Variants in PCDHGA4 observed in about 807,000 individuals in gnomAD.
The protein encoded by PCDHGA4 is protocadherin gamma-A4.
A neutral mutation model predicts 54.6 loss-of-function variants in PCDHGA4; 38 were observed. The ratio of observed to expected loss-of-function variants is 0.70; its 90% CI spans 0.54 to 0.91. The LOEUF (loss-of-function observed/expected upper bound fraction) is 0.91. Among genes scored for constraint, PCDHGA4 ranks in the 40% least tolerant of loss-of-function variants. The probability of loss-of-function intolerance (pLI) is 0.00; values close to 1 mark genes in which losing one functional copy is unlikely to be tolerated. For synonymous variants in PCDHGA4, 511 were observed against 512.9 expected (o/e 1.00, Z 0.05); for missense variants, 1,298 against 1,220.9 (o/e 1.06, Z -0.94).
intron 1 of PCDHGA4, chr5:141,414,081 T>G: frequency 6.2e-7 from 1 of 1,601,774 alleles, no homozygotes; most frequent in Non-Finnish European, 8.5e-7. Context: ...ACAAATATAC[T>G]GGAGAAATAA....
intron 1 of PCDHGA4, among the ~76,000 whole-genome samples, chr5:141,406,273 G>C (rs1366399912): frequency 6.6e-6 from 1 of 151,898 alleles, no homozygotes; most frequent in Non-Finnish European, 1.5e-5. Context: ...TCCTGCTTCA[G>C]TTTCCCAAAG....
At chr5:141,427,897 C>T (rs866283444) in intron 1 of PCDHGA4, 1 of 1,571,008 alleles carries the variant, frequency 6.4e-7, no homozygotes. Context: ...CAGGGCTCGC[C>T]CGCGCTCAGC....
chr5:141,357,800 T>A, intron 1 of PCDHGA4, 179 bp downstream of exon 1: 1 of 795,686 alleles, frequency 1.3e-6, no homozygotes, highest in East Asian at 2.7e-5. Flanking sequence ...CACACAAAAA[T>A]GTTGTTTATT....
chr5:141,420,225 C>G, intron 1 of PCDHGA4: 1 of 1,603,470 alleles, frequency 6.2e-7, no homozygotes. Flanking sequence ...ATGCTACTGG[C>G]TAGCATTTTA....
At chr5:141,389,751 G>A (rs755499740) in intron 1 of PCDHGA4, 1 of 1,612,800 alleles carries the variant, frequency 6.2e-7, no homozygotes, top group Non-Finnish European at 8.5e-7. Flanking sequence ...GCGCACGGGC[G>A]AAGTGCGCAC....
intron 1 of PCDHGA4, chr5:141,393,343 A>G (rs751102208): frequency 8.1e-6 from 13 of 1,613,914 alleles, no homozygotes; most frequent in Non-Finnish European, 1.1e-5. Context: ...CCCAATCACC[A>G]CTTCTCCCTG....
Position 141,357,456 on chromosome 5 carries a change from C to A in PCDHGA4, c.2349C>A (p.Thr783=), listed in dbSNP as rs767627723. The A allele has an allele frequency of 6.2e-7, 1 of 1,614,086 alleles. No individual in the cohort carries two copies. The highest frequency in any genetic ancestry group is 1.3e-5 in the African/African-American group (1 of 74,936). The change falls in exon 1 of 4, where the codon ACC becomes ACA. Residue 783 remains threonine (T), a synonymous_variant. Coordinates refer to ENST00000571252, the MANE Select transcript of PCDHGA4 (RefSeq NM_018917.4). ...GVDGVRAFLQ[T]YSHEVSLTAD... is the part of the protein sequence containing the mutation. ...ACGGGGTTCGGGCTTTCCTGCAGAC[C>A]TATTCCCACGAGGTCTCCCTCACCG...
intron 1 of PCDHGA4, among the ~76,000 whole-genome samples, chr5:141,473,366 A>T (rs1292258135): frequency 1.3e-5 from 2 of 152,202 alleles, no homozygotes; most frequent in Non-Finnish European, 2.9e-5. Context: ...GGCCACCAAA[A>T]TAGCATGGTC....
At chr5:141,413,748 T>G (rs1264580781) in intron 1 of PCDHGA4, 1 of 1,613,288 alleles carries the variant, frequency 6.2e-7, no homozygotes, top group Admixed American at 1.7e-5. Flanking sequence ...GCCGTGCCAA[T>G]GGCGTCAAGT....
chr5:141,382,890 C>A, intron 1 of PCDHGA4: 2 of 1,532,810 alleles, frequency 1.3e-6, no homozygotes, highest in Non-Finnish European at 1.8e-6. Flanking sequence ...GCAAGAGAAG[C>A]AGGACGACTA....
chr5:141,392,548 T>C (rs1252345592), intron 1 of PCDHGA4: 1 of 344,860 alleles, frequency 2.9e-6, no homozygotes, highest in African/African-American at 2.1e-5. Context: ...AAGTAATCTG[T>C]ATCTCAGTGC....
intron 1 of PCDHGA4, chr5:141,415,740 GTTTTTTTTTTTTTTTTTTTTT>G: frequency 1.6e-6 from 1 of 617,990 alleles, no homozygotes; most frequent in Non-Finnish European, 2.1e-6. Context: ...GTTTATTAAG[GTTTTTTTTTTTTTTTTTTTTT>G]TTTTTTTTTT....
intron 1 of PCDHGA4, among the ~76,000 whole-genome samples, chr5:141,447,542 T>G (rs980012061): frequency 1.3e-5 from 2 of 152,216 alleles, no homozygotes; most frequent in African/African-American, 4.8e-5. Context: ...TGGGTTTTAA[T>G]GTTATGAGTA....
Position 141,489,427 on chromosome 5 carries a change from C to A in PCDHGA4, c.2515-5380C>A. ...AAAGATGACAGATCTGTTGAGCCGG[C>A]GGCTGCAATTGGGCTCTGAGGAGAA... On this transcript the variant is annotated intron_variant, in intron 1 of 3. Coordinates refer to ENST00000571252, the MANE Select transcript of PCDHGA4 (RefSeq NM_018917.4). This position sits in a 1 kb window ranked among gnomAD's most constrained non-coding sequence, Gnocchi z 4.5. The A allele has an allele frequency of 6.2e-7, 1 of 1,614,108 alleles. No individual in the cohort carries two copies. The highest frequency in any genetic ancestry group is 1.1e-5 in the South Asian group (1 of 91,086).
chr5:141,400,645 G>T, intron 1 of PCDHGA4: 1 of 1,239,756 alleles, frequency 8.1e-7, no homozygotes, highest in Non-Finnish European at 1.2e-6. Context: ...TGCTCAGAAA[G>T]CTGTCCTACC....
At position 141,476,602 on chromosome 5, in the gene PCDHGA4, C is replaced by T; in HGVS notation, c.2515-18205C>T. 6.2e-7 allele frequency: 1 copy of T among 1,614,208 alleles called. No homozygotes were observed. Among genetic ancestry groups the T allele is most frequent in the Middle Eastern group, 1.6e-4 (1 of 6,062 alleles). Reference sequence around the variant, plus strand: ...TTCCGCTCGAGAGCGCGCACGATCCCGATGTGGGAAGCAACTCTTTACAAA... The same window carrying T: ...TTCCGCTCGAGAGCGCGCACGATCCTGATGTGGGAAGCAACTCTTTACAAA... On this transcript the variant is annotated intron_variant, in intron 1 of 3. Coordinates refer to ENST00000571252, the MANE Select transcript of PCDHGA4 (RefSeq NM_018917.4). The surrounding 1 kb of genome is among the most constrained non-coding windows in gnomAD (Gnocchi z 7.6).
chr5:141,380,433 A>G (rs1228885429), intron 1 of PCDHGA4, among the ~76,000 whole-genome samples: 1 of 152,256 alleles, frequency 6.6e-6, no homozygotes, highest in Non-Finnish European at 1.5e-5. Context: ...TAGACTTTAC[A>G]TAGAATTCTT....
intron 1 of PCDHGA4, chr5:141,427,308 G>A (rs2097014480): frequency 2.2e-6 from 1 of 456,846 alleles, no homozygotes; most frequent in Non-Finnish European, 4.4e-6. Flanking sequence ...GAATGACAAT[G>A]CCCCAGACGT....
In PCDHGA4 at chr5:141,431,279, C is replaced by G. The variant is rs1163372308; in HGVS notation, c.2515-63528C>G. Reference sequence around the variant, plus strand: ...CTCTCTGCAGAGCTACGAGCTCAGCCCGAACACTCACTTCTCCCTCATCGT... The same window carrying G: ...CTCTCTGCAGAGCTACGAGCTCAGCGCGAACACTCACTTCTCCCTCATCGT... On this transcript the variant is annotated intron_variant, in intron 1 of 3. Coordinates refer to ENST00000571252, the MANE Select transcript of PCDHGA4 (RefSeq NM_018917.4). This position sits in a 1 kb window ranked among gnomAD's most constrained non-coding sequence, Gnocchi z 4.8. 1 of 1,614,028 alleles carries G rather than the reference C, an allele frequency of 6.2e-7. No individual in the cohort carries two copies. Among genetic ancestry groups the G allele is most frequent in the African/African-American group, 1.3e-5 (1 of 74,926 alleles).
Sources: allele counts gnomAD v4.1 joint callset (sites outside exome capture counted in the v4.1 genomes callset), GRCh38; gene constraint gnomAD v4.1.1; non-coding constraint Gnocchi (gnomAD v3.1); transcripts MANE v1.5; gene names NCBI Gene and HGNC (gene_info 2026-07-23, HGNC 2026-07-21).